The following PRKCH variants were observed in gnomAD, a reference collection of about 807,000 sequenced individuals.
PRKCH encodes the protein protein kinase C eta, also known as protein kinase C eta type.
A neutral mutation model predicts 82.5 loss-of-function variants in PRKCH; 28 were observed. The ratio of observed to expected loss-of-function variants is 0.34; its 90% CI spans 0.25 to 0.47. The LOEUF (loss-of-function observed/expected upper bound fraction) is 0.47, where lower values mean the gene tolerates loss of function less well. Among genes scored for constraint, PRKCH ranks in the 20% least tolerant of loss-of-function variants. PRKCH has a pLI of 1.00. For synonymous variants in PRKCH, 322 were observed against 327.4 expected, an observed-to-expected ratio of 0.98 and a Z score of 0.18; for missense variants, 705 against 881.8, an observed-to-expected ratio of 0.80 and a Z score of 2.54.
chr14:61,489,806 AGG>A (rs1293119085), intron 10 of PRKCH, among the ~76,000 whole-genome samples: 1 of 152,214 alleles, frequency 6.6e-6, no homozygotes, highest in African/African-American at 2.4e-5. Flanking sequence ...AGGGAAACAA[AGG>A]GGCATGCATC....
chr14:61,327,001 T>C (rs2045706015), intron 1 of PRKCH: 1 of 455,328 alleles, frequency 2.2e-6, no homozygotes, highest in Non-Finnish European at 4.4e-6. Flanking sequence ...TAATGCAGAG[T>C]GCTGGGGACA....
intron 1 of PRKCH, among the ~76,000 whole-genome samples, chr14:61,271,500 A>AT (rs2045153884): frequency 6.6e-6 from 1 of 152,210 alleles, no homozygotes; most frequent in South Asian, 2.1e-4. Context: ...CATTATTTGC[A>AT]TAAAAACTAA....
At chr14:61,285,667 G>T (rs558914859) in intron 1 of PRKCH, among the ~76,000 whole-genome samples, 1 of 152,102 alleles carries the variant, frequency 6.6e-6, no homozygotes, top group Non-Finnish European at 1.5e-5. Context: ...CAAATGGGGG[G>T]CATTCAGTCC....
At chr14:61,406,071 A>G (rs1881932327) in intron 2 of PRKCH, among the ~76,000 whole-genome samples, 1 of 152,232 alleles carries the variant, frequency 6.6e-6, no homozygotes, top group Non-Finnish European at 1.5e-5. Flanking sequence ...AACAGAATTC[A>G]GGTAAGCACC....
intron 10 of PRKCH, among the ~76,000 whole-genome samples, chr14:61,495,681 TTTG>T (rs1886638765): frequency 6.6e-6 from 1 of 152,198 alleles, no homozygotes; most frequent in Non-Finnish European, 1.5e-5. Flanking sequence ...AAATAATTTT[TTTG>T]TTGTTGGGCA....
At chr14:61,207,598 T>C (rs2044537451) in intron 1 of PRKCH, among the ~76,000 whole-genome samples, 3 of 152,210 alleles carry the variant, frequency 2.0e-5, no homozygotes, top group Non-Finnish European at 4.4e-5. Context: ...ACCTCTCTTT[T>C]AACATAATAA....
At chr14:61,241,073 A>G (rs2044832762) in intron 1 of PRKCH, among the ~76,000 whole-genome samples, 1 of 152,194 alleles carries the variant, frequency 6.6e-6, no homozygotes, top group Non-Finnish European at 1.5e-5. Flanking sequence ...GGTCTCTGGG[A>G]TAAGTCAGGA....
chr14:61,344,809 C>T (rs1002615172), intron 1 of PRKCH, among the ~76,000 whole-genome samples: 1 of 152,124 alleles, frequency 6.6e-6, no homozygotes, highest in African/African-American at 2.4e-5. Context: ...TTCACCAGAT[C>T]CAGATTGCTA....
At chr14:61,312,873 C>T (rs539898294) in intron 1 of PRKCH, among the ~76,000 whole-genome samples, 39 of 152,180 alleles carry the variant, frequency 2.6e-4, no homozygotes, top group Non-Finnish European at 5.6e-4. Context: ...TCACTCTCCC[C>T]CCGCCTCCCA....
intron 1 of PRKCH, among the ~76,000 whole-genome samples, chr14:61,333,430 C>T (rs116919479): frequency 0.038 from 5,853 of 152,274 alleles, 166 homozygotes; most frequent in Middle Eastern, 0.078. Flanking sequence ...TAATTCCTAA[C>T]ATTCAGGGTG....
At chr14:61,276,941 T>C (rs150167687) in intron 1 of PRKCH, among the ~76,000 whole-genome samples, 3,257 of 152,226 alleles carry the variant, frequency 0.021, 64 homozygotes, top group Middle Eastern at 0.048. Flanking sequence ...CCCAGCACTT[T>C]GGGAGGCCAA....
At chr14:61,260,664 A>T (rs1343368908) in intron 1 of PRKCH, among the ~76,000 whole-genome samples, 1 of 152,096 alleles carries the variant, frequency 6.6e-6, no homozygotes, top group African/African-American at 2.4e-5. Flanking sequence ...TTTTTTTCTT[A>T]AAAAAATGTT....
At chr14:61,248,977 T>C (rs984274830) in intron 1 of PRKCH, among the ~76,000 whole-genome samples, 1 of 152,116 alleles carries the variant, frequency 6.6e-6, no homozygotes, top group African/African-American at 2.4e-5. Context: ...AATTTTTGTA[T>C]ATTCGGTAGC....
rs551251826 is a variant in PRKCH, at chr14:61,507,383, A to G, written c.1434-21692A>G. On this transcript the variant is annotated intron_variant, in intron 10 of 13. Transcript: ENST00000332981. ...AAGCAAAACAATATGTAGGTTCCTCAAAAAAATTACAAATAGAACTATCAT... is the reference window on the plus strand; with the variant it reads ...AAGCAAAACAATATGTAGGTTCCTCGAAAAAATTACAAATAGAACTATCAT... 2.6e-5 allele frequency among the ~76,000 whole-genome samples: 4 copies of G among 152,262 alleles called. No individual in the cohort carries two copies. The East Asian group carries it at 7.7e-4, about 29-fold the overall frequency.
intron 1 of PRKCH, among the ~76,000 whole-genome samples, chr14:61,220,863 T>A (rs547503970): frequency 6.6e-6 from 1 of 152,214 alleles, no homozygotes; most frequent in South Asian, 2.1e-4. Context: ...AAAGTTTAAT[T>A]TTTATTTATT....
At chr14:61,233,782 G>A (rs1566789134) in intron 1 of PRKCH, among the ~76,000 whole-genome samples, 1 of 152,172 alleles carries the variant, frequency 6.6e-6, no homozygotes, top group African/African-American at 2.4e-5. Context: ...CACCATGATT[G>A]TAAGTTTCCT....
chr14:61,285,423 G>A lies in PRKCH; in HGVS notation c.-19+97755G>A, dbSNP rs116098994. On this transcript the variant is annotated intron_variant, in intron 1 of 3. Transcript: ENST00000555185. ...CCTGAAAGTTCCTTAGGATATAACT[G>A]TGTGACCTTGGTCAAATTGCTTAAC... is the stretch of plus-strand genomic sequence containing the variant. Among the ~76,000 whole-genome samples, 302 of 152,322 alleles carry A rather than the reference G, an allele frequency of 2.0e-3. 1 individual carries two copies. The highest frequency in any genetic ancestry group is 6.9e-3 in the African/African-American group (287 of 41,576).
At chr14:61,409,839 G>A (rs10149839) in intron 2 of PRKCH, among the ~76,000 whole-genome samples, 51,681 of 151,872 alleles carry the variant, frequency 0.34, 9,362 homozygotes, top group East Asian at 0.57. Flanking sequence ...TGAATGGTAA[G>A]AGCCAGGGCC....
At position 61,367,324 on chromosome 14, in the gene PRKCH, G is replaced by A. The variant is rs1215012955; in HGVS notation, c.364-23901G>A. Reference sequence around the variant, plus strand: ...CACGAACCCTGGAAAACAAGTATGAGATGATACTACTCAGGTATTGCGTGT... The same window carrying A: ...CACGAACCCTGGAAAACAAGTATGAAATGATACTACTCAGGTATTGCGTGT... On this transcript the variant is annotated intron_variant, in intron 1 of 13. Coordinates refer to ENST00000332981, the MANE Select transcript of PRKCH (RefSeq NM_006255.5). 2.0e-5 allele frequency among the ~76,000 whole-genome samples: 3 copies of A among 151,578 alleles called. 1 individual carries two copies. The highest frequency in any genetic ancestry group is 4.9e-5 in the African/African-American group (2 of 41,000).
Sources: gnomAD v4.1 joint callset for allele counts (sites outside exome capture counted in the v4.1 genomes callset) on GRCh38, gnomAD v4.1.1 for gene constraint, MANE v1.5 for transcripts, NCBI Gene and HGNC (gene_info 2026-07-23, HGNC 2026-07-21) for gene names.